Variants in SUCLG2 observed in about 807,000 individuals in gnomAD.
SUCLG2 encodes succinate-CoA ligase GDP-forming subunit beta, also known as succinate--CoA ligase [GDP-forming] subunit beta, mitochondrial.
In SUCLG2, 42 loss-of-function variants were observed where a neutral mutation model predicts 47.9. That is an observed-to-expected ratio of 0.88 (90% CI 0.69 to 1.14). The LOEUF is 1.14. Ranked by LOEUF, SUCLG2 falls within the 50% of genes most tolerant of loss-of-function variation. SUCLG2 has a pLI of 0.00. For missense variants in SUCLG2, 571 were observed against 525.9 expected, an observed-to-expected ratio of 1.09 and a Z score of -0.84; for synonymous variants, 195 against 197.3, an observed-to-expected ratio of 0.99 and a Z score of 0.10.
chr3:67,396,928 A>C (rs1159942963), intron 10 of SUCLG2, among the ~76,000 whole-genome samples: 9 of 152,134 alleles, frequency 5.9e-5, no homozygotes, highest in Non-Finnish European at 1.2e-4. Context: ...AAACCACATG[A>C]TTATCTCAAT....
rs1443622017 is a variant in SUCLG2, at chr3:67,495,940, A to T, written c.920T>A (p.Val307Glu). 6.2e-7 allele frequency: 1 copy of T among 1,613,932 alleles called. No individual in the cohort carries two copies. Among genetic ancestry groups the T allele is most frequent in the Non-Finnish European group, 8.5e-7 (1 of 1,179,894 alleles). The change falls in exon 9 of 11, where the codon GTG becomes GAG. Residue 307 changes from valine to glutamate, a missense_variant and splice_region_variant. Val to Glu is a moderately radical substitution (Grantham distance 121). Transcript: ENST00000307227. ...IGLDGNIACF[V>E]NGAGLAMATC... The stretch of plus-strand genomic sequence containing the variant: ...AGCCATGGCGAGCCCAGCACCATTC[A>T]CTGTGAAATGCAAATGGGACACAAG...
At chr3:67,461,360 T>A (rs1704328229) in intron 9 of SUCLG2, among the ~76,000 whole-genome samples, 1 of 152,150 alleles carries the variant, frequency 6.6e-6, no homozygotes, top group South Asian at 2.1e-4. Context: ...ATTATATATT[T>A]AAGTGATTCT....
chr3:67,436,832 C>T (rs903008147), intron 9 of SUCLG2, among the ~76,000 whole-genome samples: 27 of 152,156 alleles, frequency 1.8e-4, no homozygotes, highest in Non-Finnish European at 1.5e-4. Context: ...CAAATGCACA[C>T]ATTTCAACTT....
At chr3:67,409,380 ACAT>A (rs1479592918) in intron 9 of SUCLG2, among the ~76,000 whole-genome samples, 13 of 152,162 alleles carry the variant, frequency 8.5e-5, no homozygotes, top group Non-Finnish European at 1.8e-4. Flanking sequence ...TAATGGTGAG[ACAT>A]CATCATCAAT....
In SUCLG2 at chr3:67,495,885, C is replaced by T. The variant is rs1473513593; in HGVS notation, c.975G>A (p.Gly325=). The change falls in exon 9 of 11, where the codon GGG becomes GGA. Residue 325 remains glycine (G), a synonymous_variant. Transcript: ENST00000307227. ...CAAGATCCAAGAAGTTGGCTGGCTT[C>T]CCACCATTAAGGAAAATGATATCAC... ...ATCDIIFLNG[G]KPANFLDLGG... is the part of the protein sequence containing the mutation. 1.2e-6 allele frequency: 2 copies of T among 1,614,062 alleles called. No individual in the cohort carries two copies. Among genetic ancestry groups the T allele is most frequent in the Admixed American group, 1.7e-5 (1 of 59,998 alleles).
At chr3:67,644,275 C>T (rs2107375099) in intron 1 of SUCLG2, among the ~76,000 whole-genome samples, 1 of 152,180 alleles carries the variant, frequency 6.6e-6, no homozygotes, top group South Asian at 2.1e-4. Flanking sequence ...GATATATACA[C>T]ATATCATGGA....
intron 9 of SUCLG2, among the ~76,000 whole-genome samples, chr3:67,411,136 A>C (rs948948314): frequency 6.6e-6 from 1 of 152,166 alleles, no homozygotes; most frequent in Non-Finnish European, 1.5e-5. Context: ...GCAACATATC[A>C]GTCTCCACAG....
intron 9 of SUCLG2, among the ~76,000 whole-genome samples, chr3:67,454,844 C>T (rs1386537793): frequency 7.2e-5 from 11 of 151,728 alleles, no homozygotes; most frequent in Admixed American, 2.0e-4. Context: ...CACCTATAGT[C>T]GCAGCTACTT....
chr3:67,373,480 T>C (rs1701980887), downstream of SUCLG2, among the ~76,000 whole-genome samples: 1 of 152,110 alleles, frequency 6.6e-6, no homozygotes, highest in South Asian at 2.1e-4. Flanking sequence ...AGATGAGATT[T>C]TGGGTGGGGA....
intron 8 of SUCLG2, 58 bp from the exon 9 acceptor site, chr3:67,495,998 T>G: frequency 6.2e-7 from 1 of 1,603,680 alleles, no homozygotes; most frequent in South Asian, 1.1e-5. Flanking sequence ...AAATGGTCCA[T>G]AAACATTTTC....
intron 2 of SUCLG2, among the ~76,000 whole-genome samples, chr3:67,569,493 G>C (rs991986998): frequency 6.6e-6 from 1 of 152,194 alleles, no homozygotes; most frequent in African/African-American, 2.4e-5. Flanking sequence ...GCTGGACTTT[G>C]GCCTCAGTGG....
chr3:67,584,057 C>T (rs1707948996), intron 2 of SUCLG2, among the ~76,000 whole-genome samples: 1 of 152,168 alleles, frequency 6.6e-6, no homozygotes, highest in South Asian at 2.1e-4. Context: ...TATCACAGCA[C>T]CCAAGAGAAA....
intron 9 of SUCLG2, among the ~76,000 whole-genome samples, chr3:67,464,765 T>A (rs1280517504): frequency 2.6e-5 from 4 of 152,238 alleles, no homozygotes; most frequent in Non-Finnish European, 5.9e-5. Context: ...CTTTACTTTG[T>A]CTTTTAGAAA....
At chr3:67,620,864 G>C (rs1233342588) in intron 1 of SUCLG2, among the ~76,000 whole-genome samples, 1 of 152,144 alleles carries the variant, frequency 6.6e-6, no homozygotes, top group Non-Finnish European at 1.5e-5. Flanking sequence ...GCAGGGACCA[G>C]ATAATGCAGG....
intron 1 of SUCLG2, among the ~76,000 whole-genome samples, chr3:67,637,900 C>A (rs1701035886): frequency 6.6e-6 from 1 of 152,038 alleles, no homozygotes; most frequent in African/African-American, 2.4e-5. Context: ...TAAATGACAA[C>A]CATTAAAATT....
intron 6 of SUCLG2, among the ~76,000 whole-genome samples, chr3:67,512,318 G>A (rs1248184652): frequency 6.6e-6 from 1 of 151,068 alleles, no homozygotes; most frequent in South Asian, 2.1e-4. Context: ...TAAAATTTGA[G>A]TTAAAGTGCG....
chr3:67,508,940 C>A (rs751432203), intron 6 of SUCLG2, 37 bp from the exon 7 acceptor site: 5 of 1,462,256 alleles, frequency 3.4e-6, no homozygotes, highest in South Asian at 1.3e-5. Context: ...TACACCAAAG[C>A]AGTAAAAGAA....
chr3:67,564,210 T>C (rs1382257595), intron 2 of SUCLG2, among the ~76,000 whole-genome samples: 6 of 152,210 alleles, frequency 3.9e-5, no homozygotes, highest in Admixed American at 2.6e-4. Flanking sequence ...GAAGTAATAG[T>C]GTCCATTTTT....
chr3:67,387,943 G>A (rs1263465757), intron 10 of SUCLG2, among the ~76,000 whole-genome samples: 3 of 151,916 alleles, frequency 2.0e-5, no homozygotes, highest in Non-Finnish European at 4.4e-5. Flanking sequence ...AAAAAAAAAT[G>A]TCAGCTACTA....
Sources: allele counts gnomAD v4.1 joint callset (sites outside exome capture counted in the v4.1 genomes callset), GRCh38; gene constraint gnomAD v4.1.1; transcripts MANE v1.5; gene names NCBI Gene and HGNC (gene_info 2026-07-23, HGNC 2026-07-21).